Variants in TNRC18 observed in about 807,000 individuals in gnomAD.
TNRC18 encodes the protein trinucleotide repeat-containing gene 18 protein.
In TNRC18, 69 loss-of-function variants were observed where a neutral mutation model predicts 226.7. That is an observed-to-expected ratio of 0.30 (90% CI 0.25 to 0.37). The LOEUF (loss-of-function observed/expected upper bound fraction) is 0.37. TNRC18 is among the 10% of genes least tolerant of loss of function. The pLI is 1.00. For synonymous variants in TNRC18, 2,449 were observed against 1,927.6 expected, an observed-to-expected ratio of 1.27 and a Z score of -7.09; for missense variants, 4,754 against 4,256.6, an observed-to-expected ratio of 1.12 and a Z score of -3.25.
At chr7:5,337,958 G>A (rs558554254) in intron 18 of TNRC18, among the ~76,000 whole-genome samples, 4 of 152,216 alleles carry the variant, frequency 2.6e-5, no homozygotes, top group South Asian at 2.1e-4. Context: ...ACTCCAGCCT[G>A]GGCGACAGAG....
intron 5 of TNRC18, among the ~76,000 whole-genome samples, chr7:5,383,668 C>G (rs996051504): frequency 6.6e-6 from 1 of 152,186 alleles, no homozygotes; most frequent in Non-Finnish European, 1.5e-5. Context: ...CAGACACAGG[C>G]GTCCCAGGGC....
Position 5,309,108 on chromosome 7 carries a change from G to T in TNRC18, c.8625+24C>A, listed in dbSNP as rs192072300. On this transcript the variant is annotated intron_variant, in intron 28 of 29. Transcript: ENST00000430969. This position sits in a 1 kb window ranked among gnomAD's most constrained non-coding sequence, Gnocchi z 5.7. Reference sequence around the variant, plus strand: ...TGCCCTACACCGCCTAGGACTGGGGGCCGCAGCCGGGCCGCAGGCTCACCT... The same window carrying T: ...TGCCCTACACCGCCTAGGACTGGGGTCCGCAGCCGGGCCGCAGGCTCACCT... 6.7e-5 allele frequency: 106 copies of T among 1,576,992 alleles called. No individual in the cohort carries two copies. The highest frequency in any genetic ancestry group is 3.1e-4 in the Admixed American group (17 of 54,770).
At chr7:5,349,790 C>A (rs1428010755) in intron 17 of TNRC18, among the ~76,000 whole-genome samples, 2 of 152,322 alleles carry the variant, frequency 1.3e-5, no homozygotes, top group East Asian at 3.9e-4. Context: ...AGCAGACATA[C>A]TAGAAAAGCC....
intron 2 of TNRC18, among the ~76,000 whole-genome samples, chr7:5,414,902 G>A (rs1425802526): frequency 4.6e-5 from 7 of 152,180 alleles, no homozygotes; most frequent in Admixed American, 1.3e-4. Context: ...ATCCAATAGA[G>A]AGCCATACAT....
At chr7:5,418,865 G>C (rs1380588151) in intron 2 of TNRC18, among the ~76,000 whole-genome samples, 2 of 152,218 alleles carry the variant, frequency 1.3e-5, no homozygotes, top group Non-Finnish European at 1.5e-5. Flanking sequence ...TGGCTAATGG[G>C]ATTAGCACGG....
intron 10 of TNRC18, among the ~76,000 whole-genome samples, chr7:5,371,826 T>C (rs1339190166): frequency 6.6e-6 from 1 of 152,028 alleles, no homozygotes; most frequent in Non-Finnish European, 1.5e-5. Flanking sequence ...ATCCCAGCAC[T>C]TTAGGAGGCC....
Position 5,374,202 on chromosome 7 carries a change from T to TTGGG in TNRC18, c.3081_3082insCCCA (p.Ser1028ProfsTer87). On this transcript the variant is annotated frameshift_variant, in exon 10 of 30. Transcript: ENST00000430969. LOFTEE classifies it high-confidence loss of function. ...GGCGGCGGGCTGGTGGGGTGGGAGC[T>TTGGG]GGGGGTGGCGGGGTAGGCGTAGGCG... 3.0e-6 allele frequency: 1 copy of TTGGG among 328,506 alleles called. No homozygotes were observed. Among genetic ancestry groups the TTGGG allele is most frequent in the Non-Finnish European group, 3.5e-6 (1 of 283,960 alleles). The allele number at this position is 328,506 out of a possible 1,614,324, so 20.3% of individuals were successfully genotyped here.
At position 5,366,312 on chromosome 7, in the gene TNRC18, TTA is replaced by T. The variant is rs1491311356; in HGVS notation, c.4220-3489_4220-3488del. Among the ~76,000 whole-genome samples the T allele has an allele frequency of 1.3e-3, 176 of 135,576 alleles. 1 individual carries two copies. Among genetic ancestry groups the T allele is most frequent in the African/African-American group, 4.8e-3 (164 of 34,374 alleles). The allele number at this position is 135,576 out of a possible 152,430, so 88.9% of individuals were successfully genotyped here. ...GTTGAGAATGCTTGTTTTGCTCTTC[TTA>T]TATCTTTTTTTTTTTTTTTTTTTTT... On this transcript the variant is annotated intron_variant, in intron 11 of 29. Transcript: ENST00000430969.
chr7:5,414,102 A>C (rs974177292), intron 2 of TNRC18, among the ~76,000 whole-genome samples: 9 of 151,832 alleles, frequency 5.9e-5, no homozygotes, highest in African/African-American at 2.2e-4. Context: ...GCCCTCCACC[A>C]CACCCAGCTA....
chr7:5,319,053 A>G (rs1489851461), intron 24 of TNRC18, among the ~76,000 whole-genome samples: 1 of 152,244 alleles, frequency 6.6e-6, no homozygotes, highest in Non-Finnish European at 1.5e-5. Context: ...AATGATACCC[A>G]TGAGGCAGGC....
intron 2 of TNRC18, chr7:5,420,160 C>T: frequency 3.0e-6 from 1 of 336,554 alleles, no homozygotes. Flanking sequence ...AGTCTCCCGC[C>T]CCGGCGCAGC....
At position 5,377,027 on chromosome 7, in the gene TNRC18, G is replaced by A; in HGVS notation, c.2462-34C>T. On this transcript the variant is annotated intron_variant, in intron 7 of 29. Coordinates refer to ENST00000430969, the MANE Select transcript of TNRC18 (RefSeq NM_001080495.3). The surrounding 1 kb of genome is among the most constrained non-coding windows in gnomAD (Gnocchi z 5.8). ...AGAAGCCCAGGCCTGAGTCAGTGCT[G>A]GGAGCCCCCAAGCGGTTTGTCCTCG... 1 of 1,552,070 alleles carries A rather than the reference G, an allele frequency of 6.4e-7. No homozygotes were observed. The highest frequency in any genetic ancestry group is 1.4e-5 in the African/African-American group (1 of 73,134).
chr7:5,370,593 C>T lies in TNRC18; in HGVS notation c.4001G>A (p.Ser1334Asn). Residue 1334 changes from serine (S) to asparagine (N), a missense_variant, in exon 11 of 30, where the codon AGT becomes AAT. Physicochemically the swap from Ser to Asn is conservative, Grantham distance 46 (BLOSUM62 1). Transcript: ENST00000430969. ...CATGCCAGCCAGTGGGTCCTCCAGA[C>T]TGGGCAGGAACTGGTCAGAGCTTGC... ...EEASSDQFLPSLEDPLAGMNA... is the reference protein window; with the variant it reads ...EEASSDQFLPNLEDPLAGMNA... 6.2e-7 allele frequency: 1 copy of T among 1,613,358 alleles called. No homozygotes were observed. The highest frequency in any genetic ancestry group is 1.1e-5 in the South Asian group (1 of 90,990).
intron 17 of TNRC18, among the ~76,000 whole-genome samples, 180 bp from the exon 18 acceptor site, chr7:5,345,990 C>A (rs1474108912): frequency 6.6e-6 from 1 of 152,206 alleles, no homozygotes; most frequent in Admixed American, 6.5e-5. Flanking sequence ...TGGCCCAATG[C>A]CCCCGGCCAG....
chr7:5,341,823 G>T (rs1394296719), intron 18 of TNRC18, among the ~76,000 whole-genome samples: 1 of 149,832 alleles, frequency 6.7e-6, no homozygotes, highest in East Asian at 2.0e-4. Context: ...TCAGTTCACA[G>T]CATGATTTAC....
chr7:5,381,379 C>G (rs1779385656), intron 5 of TNRC18, among the ~76,000 whole-genome samples: 2 of 152,152 alleles, frequency 1.3e-5, no homozygotes, highest in African/African-American at 4.8e-5. Context: ...TCACACTTGT[C>G]CCCTTCCCCA....
intron 2 of TNRC18, among the ~76,000 whole-genome samples, chr7:5,412,026 A>C (rs1781874724): frequency 2.0e-5 from 3 of 151,926 alleles, no homozygotes; most frequent in Admixed American, 6.6e-5. Flanking sequence ...ATGTCTAAAA[A>C]AAATTTAACA....
chr7:5,356,905 A>G lies in TNRC18; in HGVS notation c.5194+11T>C. 2 of 1,527,976 alleles carry G rather than the reference A, an allele frequency of 1.3e-6. No individual in the cohort carries two copies. The highest frequency in any genetic ancestry group is 1.4e-5 in the African/African-American group (1 of 72,440). 94.7% of individuals were successfully genotyped at this position (1,527,976 alleles called of 1,614,324 possible). A position where few individuals can be genotyped will look rare whatever the true frequency, so the allele number is the denominator to read the frequency against. On this transcript the variant is annotated intron_variant, in intron 16 of 29. Transcript: ENST00000430969. The stretch of plus-strand genomic sequence containing the variant: ...CAGCGGACCAGAGGTGGCGCGGCAT[A>G]CGCTACTTACTGTAAGAGTAGCTGC...
intron 29 of TNRC18, 76 bp from the exon 30 acceptor site, chr7:5,308,388 CAG>C (rs1302643895): frequency 2.8e-6 from 4 of 1,404,046 alleles, no homozygotes; most frequent in Admixed American, 2.1e-5. Context: ...GCCACAGGGA[CAG>C]AGACAGAAGC....
Sources: allele counts gnomAD v4.1 joint callset (sites outside exome capture counted in the v4.1 genomes callset), GRCh38; gene constraint gnomAD v4.1.1; non-coding constraint Gnocchi (gnomAD v3.1); transcripts MANE v1.5; gene names NCBI Gene and HGNC (gene_info 2026-07-23, HGNC 2026-07-21).